The following SEPTIN9 variants were observed in gnomAD, a reference collection of about 807,000 sequenced individuals.
The protein encoded by SEPTIN9 is septin 9.
SEPTIN9 carries 13 observed loss-of-function variants against 56.6 expected under a neutral mutation model. The ratio of observed to expected loss-of-function variants is 0.23; its 90% CI spans 0.15 to 0.37. The LOEUF (loss-of-function observed/expected upper bound fraction) is 0.37, where lower values mean the gene tolerates loss of function less well. SEPTIN9 is among the 10% of genes least tolerant of loss of function. The pLI, the probability that SEPTIN9 is intolerant of heterozygous loss-of-function variation, is 1.00. For synonymous variants in SEPTIN9, 332 were observed against 334.1 expected (o/e 0.99, Z 0.07); for missense variants, 650 against 823.1 (o/e 0.79, Z 2.57).
chr17:77,395,446 G>C (rs1283510040), intron 2 of SEPTIN9, among the ~76,000 whole-genome samples: 2 of 151,396 alleles, frequency 1.3e-5, no homozygotes, highest in Non-Finnish European at 2.9e-5. Context: ...GGAGAATGGC[G>C]TGAACCTGGG....
chr17:77,406,383 A>G (rs1481913606), intron 3 of SEPTIN9, among the ~76,000 whole-genome samples: 1 of 152,090 alleles, frequency 6.6e-6, no homozygotes, highest in East Asian at 1.9e-4. Flanking sequence ...AACCTGGTCC[A>G]AATACCTCGT....
At chr17:77,454,912 C>T (rs1191874535) in intron 3 of SEPTIN9, among the ~76,000 whole-genome samples, 2 of 152,016 alleles carry the variant, frequency 1.3e-5, no homozygotes, top group Non-Finnish European at 2.9e-5. Flanking sequence ...CAGCCGACTC[C>T]GGGGCTGCGG....
At chr17:77,311,457 C>G (rs899855496) in intron 2 of SEPTIN9, among the ~76,000 whole-genome samples, 4 of 152,194 alleles carry the variant, frequency 2.6e-5, no homozygotes, top group Non-Finnish European at 4.4e-5. Context: ...TCTGCCCTCA[C>G]AGGGGACGCC....
intron 3 of SEPTIN9, among the ~76,000 whole-genome samples, chr17:77,473,870 G>T (rs2039105976): frequency 6.6e-6 from 1 of 152,208 alleles, no homozygotes; most frequent in African/African-American, 2.4e-5. Context: ...TTATGGTCCT[G>T]GTCCACTAGG....
At chr17:77,373,408 C>T (rs1598270458) in intron 2 of SEPTIN9, 1 of 1,262,180 alleles carries the variant, frequency 7.9e-7, no homozygotes, top group East Asian at 3.4e-5. Context: ...AGCGCGGGCG[C>T]GGCGCCCCAG....
In SEPTIN9 at chr17:77,488,872, C is replaced by CCTGCAGTG; in HGVS notation, c.1262+9_1262+16dup. 6.2e-7 allele frequency: 1 copy of CCTGCAGTG among 1,613,186 alleles called. No individual in the cohort carries two copies. Among genetic ancestry groups the CCTGCAGTG allele is most frequent in the Non-Finnish European group, 8.5e-7 (1 of 1,179,836 alleles). On this transcript the variant is annotated intron_variant, in intron 7 of 11. Transcript: ENST00000427177. ...CCCCGCCACCGGCCACTCGTACGTC[C>CCTGCAGTG]CTGCAGTGTCGGCGTCCTCATGCCG... is the stretch of plus-strand genomic sequence containing the variant.
At chr17:77,376,032 C>A in intron 2 of SEPTIN9, 1 of 911,324 alleles carries the variant, frequency 1.1e-6, no homozygotes, top group Non-Finnish European at 1.3e-6. Flanking sequence ...TGTGGACAGG[C>A]AGCTTCCGAA....
intron 2 of SEPTIN9, among the ~76,000 whole-genome samples, chr17:77,314,125 C>T (rs555234715): frequency 4.7e-4 from 72 of 151,690 alleles, no homozygotes; most frequent in Non-Finnish European, 7.4e-4. Flanking sequence ...GTTGTGATCA[C>T]GTCACTGTCC....
chr17:77,396,493 G>A (rs779669333), intron 2 of SEPTIN9, among the ~76,000 whole-genome samples: 21 of 152,152 alleles, frequency 1.4e-4, no homozygotes, highest in Admixed American at 3.9e-4. Flanking sequence ...AGATGGAGAC[G>A]TGTAAAGTGA....
At position 77,476,032 on chromosome 17, in the gene SEPTIN9, C is replaced by A; in HGVS notation, c.722-6112C>A. The A allele has an allele frequency of 1.0e-6, 1 of 990,374 alleles. No individual in the cohort carries two copies. Among genetic ancestry groups the A allele is most frequent in the Non-Finnish European group, 1.5e-6 (1 of 663,660 alleles). 61.3% of individuals were successfully genotyped at this position (990,374 alleles called of 1,614,324 possible). ...TCCTGGGGTGCAGGCCCGGCTGTCA[C>A]TCCCCTGGAGCTGGGAATGGCATTG... On this transcript the variant is annotated intron_variant, in intron 3 of 11. Coordinates refer to ENST00000427177, the MANE Select transcript of SEPTIN9 (RefSeq NM_001113491.2). This position sits in a 1 kb window ranked among gnomAD's most constrained non-coding sequence, Gnocchi z 6.0.
chr17:77,413,844 A>C (rs1439740406), intron 3 of SEPTIN9, among the ~76,000 whole-genome samples: 1 of 143,796 alleles, frequency 7.0e-6, no homozygotes, highest in Non-Finnish European at 1.5e-5. Context: ...ACACACCTAT[A>C]TATGGGGTGG....
Position 77,487,387 on chromosome 17 carries a change from G to A in SEPTIN9, c.914-37G>A, listed in dbSNP as rs1196895976. ...ATGTGCAGACCCTGCTGGTCTCTCC[G>A]GAGAGACCCCTGACCGGCCTCCCAT... is the stretch of plus-strand genomic sequence containing the variant. On this transcript the variant is annotated intron_variant, in intron 4 of 11. Coordinates refer to ENST00000427177, the MANE Select transcript of SEPTIN9 (RefSeq NM_001113491.2). This position sits in a 1 kb window ranked among gnomAD's most constrained non-coding sequence, Gnocchi z 4.3. 9 of 1,571,826 alleles carry A rather than the reference G, an allele frequency of 5.7e-6. No individual in the cohort carries two copies. The highest frequency in any genetic ancestry group is 2.3e-5 in the South Asian group (2 of 85,638).
rs2039859957 is a variant in SEPTIN9, at chr17:77,487,785, G to T, written c.1042+233G>T. ...CTGCCTTCCTGGAGCACAGGGGTTG[G>T]GGGTCAAGACCATCACACACGGTCA... On this transcript the variant is annotated intron_variant, in intron 5 of 11. Transcript: ENST00000427177. The surrounding 1 kb of genome is among the most constrained non-coding windows in gnomAD (Gnocchi z 4.3). Among the ~76,000 whole-genome samples the T allele has an allele frequency of 6.6e-6, 1 of 150,678 alleles. No homozygotes were observed. Among genetic ancestry groups the T allele is most frequent in the Non-Finnish European group, 1.5e-5 (1 of 67,734 alleles).
intron 3 of SEPTIN9, chr17:77,426,818 T>C (rs1212628890): frequency 6.6e-6 from 1 of 152,180 alleles, no homozygotes; most frequent in Non-Finnish European, 1.5e-5. Flanking sequence ...GACACTGACT[T>C]GTGTTGTGGG....
At chr17:77,491,843 G>A (rs1393313016) in intron 8 of SEPTIN9, among the ~76,000 whole-genome samples, 1 of 151,420 alleles carries the variant, frequency 6.6e-6, no homozygotes, top group African/African-American at 2.4e-5. Flanking sequence ...AGGAGGGATG[G>A]TCTCTGCCAC....
In SEPTIN9 at chr17:77,425,258, C is replaced by T. The variant is rs2036860513; in HGVS notation, c.721+22555C>T. Among the ~76,000 whole-genome samples, 1 of 152,172 alleles carries T rather than the reference C, an allele frequency of 6.6e-6. No individual in the cohort carries two copies. The highest frequency in any genetic ancestry group is 1.5e-5 in the Non-Finnish European group (1 of 68,016). On this transcript the variant is annotated intron_variant, in intron 3 of 11. Coordinates refer to ENST00000427177, the MANE Select transcript of SEPTIN9 (RefSeq NM_001113491.2). The surrounding 1 kb of genome is among the most constrained non-coding windows in gnomAD (Gnocchi z 4.2). ...AGGAGGGCCTCCCAGGAAAACCCAGCTGCACAGGAAGCCGGGCCAGCGGCC... is the reference window on the plus strand; with the variant it reads ...AGGAGGGCCTCCCAGGAAAACCCAGTTGCACAGGAAGCCGGGCCAGCGGCC...
rs576046681 is a variant in SEPTIN9 at position 77,303,196 on chromosome 17, G to A, written c.20-3945G>A. Reference sequence around the variant, plus strand: ...GCTCACTGCAACCTCCGTCTCCTGGGTTCAAGCGATTCTCCTGCCTTGGCC... The same window carrying A: ...GCTCACTGCAACCTCCGTCTCCTGGATTCAAGCGATTCTCCTGCCTTGGCC... On this transcript the variant is annotated intron_variant, in intron 1 of 11. Transcript: ENST00000427177. Among the ~76,000 whole-genome samples, 28 of 151,904 alleles carry A rather than the reference G, an allele frequency of 1.8e-4. No homozygotes were observed. In the East Asian group the frequency reaches 5.5e-3, roughly 30 times the overall value.
rs1359302474 is a variant in SEPTIN9 at position 77,437,549 on chromosome 17, C to T, written c.721+34846C>T. Reference sequence around the variant, plus strand: ...AGGTCAGGAGGCTGCTCAAGACCTTCTGCCCCTCAGGGACCAGGTGAGGGC... The same window carrying T: ...AGGTCAGGAGGCTGCTCAAGACCTTTTGCCCCTCAGGGACCAGGTGAGGGC... On this transcript the variant is annotated intron_variant, in intron 3 of 11. Coordinates refer to ENST00000427177, the MANE Select transcript of SEPTIN9 (RefSeq NM_001113491.2). This position sits in a 1 kb window ranked among gnomAD's most constrained non-coding sequence, Gnocchi z 5.3. Among the ~76,000 whole-genome samples, 1 of 152,094 alleles carries T rather than the reference C, an allele frequency of 6.6e-6. No individual in the cohort carries two copies. The highest frequency in any genetic ancestry group is 1.9e-4 in the East Asian group (1 of 5,174).
rs571009018 is a variant in SEPTIN9 at position 77,450,344 on chromosome 17, G to A, written c.722-31800G>A. On this transcript the variant is annotated intron_variant, in intron 3 of 11. Coordinates refer to ENST00000427177, the MANE Select transcript of SEPTIN9 (RefSeq NM_001113491.2). The surrounding 1 kb of genome is among the most constrained non-coding windows in gnomAD (Gnocchi z 6.0). ...GGAGCCCAGTCAGCACTCAACATGA[G>A]GTCCCGTGGGGGCTGCCTGAGGGCG... Among the ~76,000 whole-genome samples the A allele has an allele frequency of 6.6e-6, 1 of 152,292 alleles. No homozygotes were observed. The highest frequency in any genetic ancestry group is 1.9e-4 in the East Asian group (1 of 5,184).
Sources: allele counts gnomAD v4.1 joint callset (sites outside exome capture counted in the v4.1 genomes callset), GRCh38; gene constraint gnomAD v4.1.1; non-coding constraint Gnocchi (gnomAD v3.1); transcripts MANE v1.5; gene names NCBI Gene and HGNC (gene_info 2026-07-23, HGNC 2026-07-21).